Variants in SHISA9 observed in about 807,000 individuals in gnomAD.
SHISA9 encodes protein shisa-9.
In SHISA9, 13 loss-of-function variants were observed where a neutral mutation model predicts 38.0. The ratio of observed to expected loss-of-function variants is 0.34; its 90% CI spans 0.22 to 0.54. The LOEUF (loss-of-function observed/expected upper bound fraction) is 0.54. Among genes scored for constraint, SHISA9 ranks in the 20% least tolerant of loss-of-function variants. The probability of loss-of-function intolerance (pLI) is 0.91; values close to 1 mark genes in which losing one functional copy is unlikely to be tolerated. For missense variants in SHISA9, 538 were observed against 575.8 expected, an observed-to-expected ratio of 0.93 and a Z score of 0.67; for synonymous variants, 275 against 242.0, an observed-to-expected ratio of 1.14 and a Z score of -1.27.
chr16:13,173,376 G>A (rs2050704579), intron 2 of SHISA9, among the ~76,000 whole-genome samples: 2 of 127,044 alleles, frequency 1.6e-5, no homozygotes, highest in East Asian at 4.1e-4. Context: ...ATGTGTGCAT[G>A]TACACACACA....
chr16:13,522,898 G>C, the SHISA9 span, among the ~76,000 whole-genome samples: 2 of 152,182 alleles, frequency 1.3e-5, no homozygotes, highest in Non-Finnish European at 1.5e-5. Context: ...TTCAGCCCCT[G>C]TTATATTACA....
rs114437254 is a variant in SHISA9, at chr16:13,097,541, C to A, written c.692-105853C>A. Reference sequence around the variant, plus strand: ...TCAGTCTCCCAAGTAGCTAGGACTACAGGTTTGTGCCATCATGCCCAGCTA... The same window carrying A: ...TCAGTCTCCCAAGTAGCTAGGACTAAAGGTTTGTGCCATCATGCCCAGCTA... On this transcript the variant is annotated intron_variant, in intron 2 of 4. Transcript: ENST00000558583. Among the ~76,000 whole-genome samples, 838 of 152,074 alleles carry A rather than the reference C, an allele frequency of 5.5e-3. 6 individuals carry two copies. Among genetic ancestry groups the A allele is most frequent in the African/African-American group, 0.019 (796 of 41,452 alleles).
At chr16:13,485,172 C>T in the SHISA9 span, among the ~76,000 whole-genome samples, 943 of 152,108 alleles carry the variant, frequency 6.2e-3, 5 homozygotes, top group African/African-American at 0.021. Flanking sequence ...GGTATGTGTC[C>T]TAATGCTTTC....
chr16:13,388,310 A>AT, the SHISA9 span, among the ~76,000 whole-genome samples: 5,714 of 140,320 alleles, frequency 0.041, 132 homozygotes, highest in Middle Eastern at 0.073. Context: ...AATTTGGGGA[A>AT]TTTTTTTTTT....
chr16:13,522,077 A>G, the SHISA9 span, among the ~76,000 whole-genome samples: 2 of 151,910 alleles, frequency 1.3e-5, no homozygotes, highest in African/African-American at 4.8e-5. Flanking sequence ...AATTCCCCAC[A>G]CTCTGTCCCC....
At chr16:12,998,458 C>CT (rs2072486044) in intron 2 of SHISA9, among the ~76,000 whole-genome samples, 3 of 152,200 alleles carry the variant, frequency 2.0e-5, no homozygotes. Context: ...CACAGACTTT[C>CT]TTTAAGTTCA....
chr16:13,195,326 A>C (rs536963201), intron 2 of SHISA9, among the ~76,000 whole-genome samples: 51 of 152,338 alleles, frequency 3.3e-4, no homozygotes, highest in African/African-American at 1.2e-3. Context: ...TCCGATTCCC[A>C]AATTTGGAAC....
chr16:13,031,688 AAAT>A (rs2072992919), intron 2 of SHISA9, among the ~76,000 whole-genome samples: 1 of 152,232 alleles, frequency 6.6e-6, no homozygotes, highest in Non-Finnish European at 1.5e-5. Context: ...ACGGCCTAAA[AAAT>A]AATATCTATA....
At chr16:13,172,258 C>T (rs2050692859) in intron 2 of SHISA9, among the ~76,000 whole-genome samples, 1 of 152,170 alleles carries the variant, frequency 6.6e-6, no homozygotes, top group Non-Finnish European at 1.5e-5. Flanking sequence ...TAACTTTATG[C>T]TTGGTTTTGC....
At chr16:13,270,539 T>C in the SHISA9 span, among the ~76,000 whole-genome samples, 1 of 152,212 alleles carries the variant, frequency 6.6e-6, no homozygotes, top group Admixed American at 6.5e-5. Flanking sequence ...GTGGAAATCC[T>C]TGCTCTGCAG....
chr16:13,216,589 C>T (rs1402820711), intron 4 of SHISA9, among the ~76,000 whole-genome samples: 1 of 152,134 alleles, frequency 6.6e-6, no homozygotes, highest in East Asian at 1.9e-4. Flanking sequence ...GACCGATGAA[C>T]ATCTTAACAT....
In SHISA9 at chr16:13,007,450, G is replaced by A. The variant is rs567040243; in HGVS notation, c.691+90635G>A. ...TTTGCACAAGTGTTCTTTATTTCTT[G>A]CCTGTGGCCGCCATATTGGTCTCCC... On this transcript the variant is annotated intron_variant, in intron 2 of 4. Coordinates refer to ENST00000558583, the MANE Select transcript of SHISA9 (RefSeq NM_001145204.3). Among the ~76,000 whole-genome samples, 256 of 151,866 alleles carry A rather than the reference G, an allele frequency of 1.7e-3. 1 individual carries two copies. The highest frequency in any genetic ancestry group is 3.1e-3 in the Admixed American group (47 of 15,250).
the SHISA9 span, among the ~76,000 whole-genome samples, chr16:13,385,436 C>T: frequency 6.6e-6 from 1 of 151,778 alleles, no homozygotes; most frequent in Non-Finnish European, 1.5e-5. Flanking sequence ...TGTGGTATAT[C>T]CATACCATGA....
At chr16:13,514,106 T>G in the SHISA9 span, among the ~76,000 whole-genome samples, 1 of 152,188 alleles carries the variant, frequency 6.6e-6, no homozygotes, top group Non-Finnish European at 1.5e-5. Flanking sequence ...GTGATTCTCC[T>G]GCCTCAGCCT....
chr16:13,548,258 A>G, the SHISA9 span, among the ~76,000 whole-genome samples: 2 of 129,834 alleles, frequency 1.5e-5, no homozygotes, highest in Non-Finnish European at 3.5e-5. Context: ...CAATAAAACT[A>G]CTAAAAGAAA....
chr16:13,235,363 C>G lies in SHISA9; in HGVS notation c.1229C>G (p.Pro410Arg). Reference sequence around the variant, plus strand: ...ACTCGCCCCCAGCACTACCCACCCCCACAGCCATACTTCATCACCAACAGC... The same window carrying G: ...ACTCGCCCCCAGCACTACCCACCCCGACAGCCATACTTCATCACCAACAGC... Reference protein sequence around the residue: ...LGTRPQHYPPPQPYFITNSKT... With the variant: ...LGTRPQHYPPRQPYFITNSKT... Residue 410 changes from proline (P) to arginine (R), a missense_variant, in exon 5 of 5, where the codon CCA (proline) becomes CGA (arginine). Coordinates refer to ENST00000558583, the MANE Select transcript of SHISA9 (RefSeq NM_001145204.3). 6.5e-7 allele frequency: 1 copy of G among 1,541,448 alleles called. No homozygotes were observed.
intron 2 of SHISA9, among the ~76,000 whole-genome samples, chr16:12,959,243 T>C (rs906231730): frequency 6.6e-6 from 1 of 152,224 alleles, no homozygotes; most frequent in Non-Finnish European, 1.5e-5. Context: ...AAAAAAGGAA[T>C]GGAATGCAAG....
intron 2 of SHISA9, among the ~76,000 whole-genome samples, chr16:13,130,139 C>G (rs1259627634): frequency 6.6e-6 from 1 of 152,146 alleles, no homozygotes; most frequent in African/African-American, 2.4e-5. Context: ...CTGAGCACAT[C>G]TGTATGTCTG....
At chr16:13,048,170 C>T (rs543461375) in intron 2 of SHISA9, among the ~76,000 whole-genome samples, 5 of 152,350 alleles carry the variant, frequency 3.3e-5, no homozygotes, top group Admixed American at 1.3e-4. Context: ...GCGTATAACT[C>T]ATCTCTTATT....
Sources: gnomAD v4.1 joint callset for allele counts (sites outside exome capture counted in the v4.1 genomes callset) on GRCh38, gnomAD v4.1.1 for gene constraint, MANE v1.5 for transcripts, NCBI Gene and HGNC (gene_info 2026-07-23, HGNC 2026-07-21) for gene names.